The following ABTB3 variants were observed in gnomAD, a reference collection of about 807,000 sequenced individuals.
The protein encoded by ABTB3 is ankyrin repeat and BTB domain containing 3, also known as ankyrin repeat- and BTB/POZ domain-containing protein 3.
chr12:107,469,866 T>TTTTCTTTC, the ABTB3 span, among the ~76,000 whole-genome samples: 9,807 of 75,430 alleles, frequency 0.13, 2,097 homozygotes, highest in Admixed American at 0.16. Context: ...TCTTTCTTTC[T>TTTTCTTTC]TTTCTTTCTT....
At chr12:107,346,888 G>A in the ABTB3 span, among the ~76,000 whole-genome samples, 81 of 152,266 alleles carry the variant, frequency 5.3e-4, 1 homozygote, top group African/African-American at 1.9e-3. Flanking sequence ...TCTCCATTCT[G>A]GTCCTGCAGG....
At chr12:107,408,683 C>G in the ABTB3 span, among the ~76,000 whole-genome samples, 1 of 152,252 alleles carries the variant, frequency 6.6e-6, no homozygotes, top group Non-Finnish European at 1.5e-5. Flanking sequence ...GAACCCGGCA[C>G]TGGACTTCGG....
the ABTB3 span, among the ~76,000 whole-genome samples, chr12:107,641,424 A>G: frequency 1.3e-5 from 2 of 152,198 alleles, no homozygotes; most frequent in Non-Finnish European, 2.9e-5. Flanking sequence ...CTGTAAATCT[A>G]TAATTTCAAA....
the ABTB3 span, among the ~76,000 whole-genome samples, chr12:107,333,965 G>A: frequency 6.6e-6 from 1 of 152,236 alleles, no homozygotes; most frequent in Non-Finnish European, 1.5e-5. Flanking sequence ...AATTGATCAT[G>A]TTGGTATCTG....
chr12:107,492,932 CTTTGTACTAGCAG>C, the ABTB3 span, among the ~76,000 whole-genome samples: 1 of 152,086 alleles, frequency 6.6e-6, no homozygotes, highest in Non-Finnish European at 1.5e-5. Flanking sequence ...CAGGGAAGAA[CTTTGTACTAGCAG>C]TGCCACCAGC....
the ABTB3 span, among the ~76,000 whole-genome samples, chr12:107,351,351 T>A: frequency 6.6e-6 from 1 of 152,226 alleles, no homozygotes; most frequent in South Asian, 2.1e-4. Context: ...TGTGTTCCAC[T>A]GCACTTTGCC....
At chr12:107,610,410 CT>C in the ABTB3 span, 1 of 1,592,642 alleles carries the variant, frequency 6.3e-7, no homozygotes, top group Non-Finnish European at 8.6e-7. Flanking sequence ...TGCATCACCC[CT>C]GGCAAGACAG....
chr12:107,394,361 C>A, the ABTB3 span, among the ~76,000 whole-genome samples: 1 of 152,142 alleles, frequency 6.6e-6, no homozygotes, highest in Non-Finnish European at 1.5e-5. Flanking sequence ...TTCCCTTTAG[C>A]AAACCTTCCT....
At chr12:107,419,786 C>T in the ABTB3 span, among the ~76,000 whole-genome samples, 28 of 152,272 alleles carry the variant, frequency 1.8e-4, 1 homozygote, top group Admixed American at 5.2e-4. Flanking sequence ...TAATTTCAGC[C>T]CAGACTTGCT....
chr12:107,376,878 A>G, the ABTB3 span, among the ~76,000 whole-genome samples: 1 of 152,258 alleles, frequency 6.6e-6, no homozygotes, highest in Non-Finnish European at 1.5e-5. Context: ...TGAGGGGCCC[A>G]GAGGTATAAG....
At chr12:107,556,771 GA>G in the ABTB3 span, among the ~76,000 whole-genome samples, 5 of 152,096 alleles carry the variant, frequency 3.3e-5, no homozygotes, top group African/African-American at 1.2e-4. Flanking sequence ...AGCAATTTGG[GA>G]GGCTAAGGTG....
chr12:107,474,775 C>T, the ABTB3 span, among the ~76,000 whole-genome samples: 1 of 151,996 alleles, frequency 6.6e-6, no homozygotes, highest in African/African-American at 2.4e-5. Flanking sequence ...CTTAAGGCAG[C>T]AGATGCCCTG....
chr12:107,387,038 C>T, the ABTB3 span, among the ~76,000 whole-genome samples: 8 of 149,910 alleles, frequency 5.3e-5, no homozygotes, highest in South Asian at 4.2e-4. Flanking sequence ...AGTGCAGTGG[C>T]GTGATCTTGG....
At chr12:107,420,060 G>A in the ABTB3 span, among the ~76,000 whole-genome samples, 73 of 152,344 alleles carry the variant, frequency 4.8e-4, no homozygotes, top group East Asian at 0.013. Context: ...GTTTTCAGCA[G>A]ATGTGCACGT....
At chr12:107,469,920 T>TTCTTTCTTTC in the ABTB3 span, among the ~76,000 whole-genome samples, 10 of 102,030 alleles carry the variant, frequency 9.8e-5, 1 homozygote, top group East Asian at 3.1e-4. Flanking sequence ...CTTTCTTTCT[T>TTCTTTCTTTC]TCTCTCTCTC....
At chr12:107,492,075 T>C in the ABTB3 span, among the ~76,000 whole-genome samples, 1 of 152,036 alleles carries the variant, frequency 6.6e-6, no homozygotes. Context: ...GGCTGAAGAA[T>C]GCAGGGTGAA....
chr12:107,469,902 C>CTT, the ABTB3 span, among the ~76,000 whole-genome samples: 1 of 106,052 alleles, frequency 9.4e-6, no homozygotes, highest in Non-Finnish European at 1.9e-5. Flanking sequence ...TTCTTTCTTT[C>CTT]TTTCTTTCTT....
the ABTB3 span, among the ~76,000 whole-genome samples, chr12:107,522,171 C>A: frequency 6.6e-6 from 1 of 152,044 alleles, no homozygotes; most frequent in Non-Finnish European, 1.5e-5. Flanking sequence ...GATCCGCCCT[C>A]ATGGACTCAT....
the ABTB3 span, among the ~76,000 whole-genome samples, chr12:107,557,901 G>A: frequency 6.6e-6 from 1 of 152,336 alleles, no homozygotes; most frequent in African/African-American, 2.4e-5. Context: ...GCTGCTGTGT[G>A]TCCAGCCCTT....
Sources: allele counts gnomAD v4.1 joint callset (sites outside exome capture counted in the v4.1 genomes callset), GRCh38; gene constraint gnomAD v4.1.1; transcripts MANE v1.5; gene names NCBI Gene and HGNC (gene_info 2026-07-23, HGNC 2026-07-21).